The following ATF6 variants were observed in gnomAD, a reference collection of about 807,000 sequenced individuals.
The protein encoded by ATF6 is cyclic AMP-dependent transcription factor ATF-6 alpha.
A neutral mutation model predicts 83.6 loss-of-function variants in ATF6; 53 were observed. The ratio of observed to expected loss-of-function variants is 0.63; its 90% CI spans 0.51 to 0.80. The LOEUF is 0.80. Ranked by LOEUF, ATF6 falls within the 30% of genes least tolerant of loss-of-function variation. ATF6 has a pLI of 0.00. For synonymous variants in ATF6, 288 were observed against 285.8 expected (o/e 1.01, Z -0.08); for missense variants, 744 against 797.9 (o/e 0.93, Z 0.81).
chr1:161,848,741 C>CCTTTA (rs1217195311), intron 10 of ATF6, among the ~76,000 whole-genome samples: 1 of 152,052 alleles, frequency 6.6e-6, no homozygotes, highest in Non-Finnish European at 1.5e-5. Context: ...CTAGCACTGT[C>CCTTTA]CTTTACTTTA....
chr1:161,781,873 T>C, intron 2 of ATF6, 39 bp from the exon 3 acceptor site: 1 of 1,375,660 alleles, frequency 7.3e-7, no homozygotes, highest in Non-Finnish European at 1.0e-6. Flanking sequence ...GTGTATGTTT[T>C]ATTCTTTTAA....
chr1:161,870,026 A>ATTT (rs35265275), intron 14 of ATF6, among the ~76,000 whole-genome samples: 2 of 150,620 alleles, frequency 1.3e-5, no homozygotes, highest in African/African-American at 4.9e-5. Context: ...TAATACAGTG[A>ATTT]TTTTTTTTTC....
chr1:161,906,924 G>A (rs1687886914), intron 14 of ATF6, among the ~76,000 whole-genome samples: 1 of 152,114 alleles, frequency 6.6e-6, no homozygotes, highest in African/African-American at 2.4e-5. Flanking sequence ...GAGAAGCCCT[G>A]TATCGTAGAC....
At chr1:161,871,162 T>C (rs1687115747) in intron 14 of ATF6, among the ~76,000 whole-genome samples, 1 of 151,654 alleles carries the variant, frequency 6.6e-6, no homozygotes, top group African/African-American at 2.4e-5. Context: ...TTACTAGAGG[T>C]GGGGTTTGCA....
At chr1:161,906,077 T>A (rs1035199765) in intron 14 of ATF6, among the ~76,000 whole-genome samples, 4 of 152,098 alleles carry the variant, frequency 2.6e-5, no homozygotes, top group Middle Eastern at 3.2e-3. Flanking sequence ...TCATGATCCA[T>A]CTGCCTCGGC....
rs550876223 is a variant in ATF6, at chr1:161,800,253, G to A, written c.689-1799G>A. 6.6e-4 allele frequency among the ~76,000 whole-genome samples: 100 copies of A among 152,248 alleles called. 1 individual carries two copies. Among genetic ancestry groups the A allele is most frequent in the South Asian group, 3.9e-3 (19 of 4,820 alleles). ...TAGAATATTTGCATATACATAATGA[G>A]ATATCTTGGGGACAGAACCCAAGTC... On this transcript the variant is annotated intron_variant, in intron 6 of 15. Transcript: ENST00000367942.
rs374933220 is a variant in ATF6, at chr1:161,959,587, G to A, written c.*933G>A. The A allele has an allele frequency of 4.7e-5, 7 of 148,464 alleles. No homozygotes were observed. The highest frequency in any genetic ancestry group is 8.9e-5 in the Non-Finnish European group (6 of 67,488). 9.2% of individuals were successfully genotyped at this position (148,464 alleles called of 1,614,324 possible). A position where few individuals can be genotyped will look rare whatever the true frequency, so the allele number is the denominator to read the frequency against. On this transcript the variant is annotated 3_prime_UTR_variant, in exon 16 of 16. Transcript: ENST00000367942. ...TGGGAGGCTGAGGCAGGAGAATGGCGTGAACCCGGGAGGCGGAGCTTGCAG... is the reference window on the plus strand; with the variant it reads ...TGGGAGGCTGAGGCAGGAGAATGGCATGAACCCGGGAGGCGGAGCTTGCAG...
chr1:161,925,843 A>G (rs1443084667), intron 15 of ATF6, among the ~76,000 whole-genome samples: 1 of 152,230 alleles, frequency 6.6e-6, no homozygotes, highest in Non-Finnish European at 1.5e-5. Flanking sequence ...TGAATCTTCA[A>G]TACTGGCCAA....
At chr1:161,806,833 T>C (rs1685294280) in intron 7 of ATF6, among the ~76,000 whole-genome samples, 2 of 152,296 alleles carry the variant, frequency 1.3e-5, no homozygotes, top group East Asian at 3.9e-4. Flanking sequence ...GATTCTCCTG[T>C]CATACCAAAT....
At chr1:161,872,874 G>A (rs1295410750) in intron 14 of ATF6, among the ~76,000 whole-genome samples, 2 of 151,546 alleles carry the variant, frequency 1.3e-5, no homozygotes, top group African/African-American at 4.8e-5. Context: ...AACTAAGAGT[G>A]TGTATGTATG....
At chr1:161,848,032 A>G (rs2101821085) in intron 10 of ATF6, among the ~76,000 whole-genome samples, 1 of 152,184 alleles carries the variant, frequency 6.6e-6, no homozygotes. Flanking sequence ...TCAGAGTAGT[A>G]CATGGGATGC....
chr1:161,795,186 T>C (rs766364486), intron 6 of ATF6, among the ~76,000 whole-genome samples: 1 of 152,150 alleles, frequency 6.6e-6, no homozygotes, highest in African/African-American at 2.4e-5. Flanking sequence ...TTCTACACTT[T>C]AATTGGGGGA....
intron 7 of ATF6, among the ~76,000 whole-genome samples, chr1:161,811,367 A>G (rs1430190445): frequency 6.6e-6 from 1 of 152,168 alleles, no homozygotes; most frequent in Non-Finnish European, 1.5e-5. Context: ...TTAAAGTGTT[A>G]TGGTTAGACT....
intron 3 of ATF6, 111 bp from the exon 4 acceptor site, chr1:161,783,879 T>G: frequency 1.3e-6 from 1 of 747,992 alleles, no homozygotes; most frequent in Non-Finnish European, 2.2e-6. Flanking sequence ...TTGGTGACCT[T>G]AGCTTCCATA....
chr1:161,787,689 A>T (rs1163915341), intron 4 of ATF6, among the ~76,000 whole-genome samples: 2 of 152,112 alleles, frequency 1.3e-5, no homozygotes, highest in Admixed American at 6.5e-5. Flanking sequence ...TTATCATGAG[A>T]TATTATTTTT....
intron 12 of ATF6, among the ~76,000 whole-genome samples, chr1:161,859,705 T>G (rs535940816): frequency 6.6e-6 from 1 of 152,182 alleles, no homozygotes; most frequent in Non-Finnish European, 1.5e-5. Context: ...CTAATGGGTG[T>G]AGATTGAACT....
At chr1:161,822,284 G>A (rs578244940) in intron 9 of ATF6, among the ~76,000 whole-genome samples, 2 of 152,232 alleles carry the variant, frequency 1.3e-5, no homozygotes, top group Admixed American at 6.5e-5. Context: ...AGATAGCCTT[G>A]GGAAAAGAAA....
chr1:161,943,545 C>T (rs963227305), intron 15 of ATF6, among the ~76,000 whole-genome samples: 17 of 152,168 alleles, frequency 1.1e-4, no homozygotes, highest in African/African-American at 4.1e-4. Flanking sequence ...TCGCCTCCTA[C>T]TCTTCCCTTG....
intron 1 of ATF6, among the ~76,000 whole-genome samples, chr1:161,772,614 T>A (rs1193642117): frequency 6.6e-6 from 1 of 152,186 alleles, no homozygotes; most frequent in Non-Finnish European, 1.5e-5. Flanking sequence ...TCCTGTTTTG[T>A]TCAAGAATAT....
Sources: allele counts gnomAD v4.1 joint callset (sites outside exome capture counted in the v4.1 genomes callset), GRCh38; gene constraint gnomAD v4.1.1; transcripts MANE v1.5; gene names NCBI Gene and HGNC (gene_info 2026-07-23, HGNC 2026-07-21).